RAB33A: variants seen among roughly 807,000 people sequenced by gnomAD.
RAB33A encodes ras-related protein Rab-33A.
Under a neutral mutation model 12.0 loss-of-function variants are expected in RAB33A, and 6 were observed. That is an observed-to-expected ratio of 0.50 (90% CI 0.27 to 0.99). The LOEUF (loss-of-function observed/expected upper bound fraction) is 0.99, where lower values mean the gene tolerates loss of function less well. Ranked by LOEUF, RAB33A falls within the 50% of genes least tolerant of loss-of-function variation. RAB33A has a pLI of 0.11. For synonymous variants in RAB33A, 70 were observed against 82.4 expected (o/e 0.85, Z 0.81); for missense variants, 109 against 192.0 (o/e 0.57, Z 2.55).
At chrX:130,162,957 T>C in the RAB33A span, among the ~76,000 whole-genome samples, 1 of 111,324 alleles carries the variant, frequency 9.0e-6, no homozygotes, top group Admixed American at 9.6e-5. Context: ...AATAAACAAA[T>C]AGTAGCTATC....
chrX:130,175,781 G>C (rs1045146815), intron 1 of RAB33A, among the ~76,000 whole-genome samples: 4 of 111,482 alleles, frequency 3.6e-5, no homozygotes, highest in Admixed American at 9.5e-5. Flanking sequence ...ACAGGCGGGA[G>C]CCCTGGGTTT....
At chrX:130,155,710 T>C in the RAB33A span, among the ~76,000 whole-genome samples, 1 of 111,649 alleles carries the variant, frequency 9.0e-6, no homozygotes, top group Non-Finnish European at 1.9e-5. Context: ...CAATCAAGGG[T>C]GTTACTAGGT....
chrX:130,167,039 G>T (rs1259855897), upstream of RAB33A, among the ~76,000 whole-genome samples: 4 of 112,432 alleles, frequency 3.6e-5, no homozygotes, highest in African/African-American at 1.3e-4. Flanking sequence ...CAAGAGAGAA[G>T]ACTATGGGAT....
chrX:130,168,598 C>T (rs1398377966), upstream of RAB33A, among the ~76,000 whole-genome samples: 4 of 111,137 alleles, frequency 3.6e-5, no homozygotes, highest in Middle Eastern at 4.6e-3. Context: ...ATTACGTTGC[C>T]CAGGCTGGTC....
At chrX:130,152,123 GAAAAAAGAAAAGAA>G in the RAB33A span, among the ~76,000 whole-genome samples, 14 of 106,732 alleles carry the variant, frequency 1.3e-4, no homozygotes, top group African/African-American at 4.8e-4. Context: ...GAAAAGAAAA[GAAAAAAGAAAAGAA>G]AAAAAAGAAA....
chrX:130,135,755 G>T, the RAB33A span, among the ~76,000 whole-genome samples: 1 of 111,899 alleles, frequency 8.9e-6, no homozygotes, highest in Non-Finnish European at 1.9e-5. Context: ...AGGCTTATGT[G>T]CATGCCCACC....
Position 130,184,837 on chromosome X carries a change from C to A in RAB33A, c.*97C>A, listed in dbSNP as rs2124688989. On this transcript the variant is annotated 3_prime_UTR_variant, in exon 2 of 2. Coordinates refer to ENST00000257017, the MANE Select transcript of RAB33A (RefSeq NM_004794.3). ...ATGCTGACACCTGCTTGTTTCCATA[C>A]AAATTGATATCAAAATAAAATTTGT... 1.3e-6 allele frequency: 1 copy of A among 769,964 alleles called. No individual in the cohort carries two copies. The highest frequency in any genetic ancestry group is 1.8e-6 in the Non-Finnish European group (1 of 543,172). The allele number at this position is 769,964 out of a possible 1,213,427, so 63.5% of individuals were successfully genotyped here.
At chrX:130,129,492 G>T in the RAB33A span, 2 of 928,523 alleles carry the variant, frequency 2.2e-6, no homozygotes, top group Non-Finnish European at 3.1e-6. Flanking sequence ...ATAAAAAAAT[G>T]CTCCTTTACC....
chrX:130,167,493 A>G (rs1194638561), upstream of RAB33A, among the ~76,000 whole-genome samples: 3 of 113,271 alleles, frequency 2.6e-5, no homozygotes, highest in Non-Finnish European at 5.6e-5. Flanking sequence ...CTGTAATCCC[A>G]GCACTTTGGG....
the RAB33A span, among the ~76,000 whole-genome samples, chrX:130,150,433 T>A: frequency 1.0e-5 from 1 of 97,484 alleles, no homozygotes; most frequent in South Asian, 5.3e-4. Context: ...CCTCCCGGGT[T>A]CACGCCATTC....
the RAB33A span, among the ~76,000 whole-genome samples, chrX:130,150,326 CTTTTTTTTTT>C: frequency 6.5e-5 from 4 of 61,649 alleles, no homozygotes; most frequent in Non-Finnish European, 9.3e-5. Flanking sequence ...TTATTGGAGA[CTTTTTTTTTT>C]TTTTTTTTTT....
the RAB33A span, chrX:130,147,842 C>T: frequency 6.6e-6 from 8 of 1,210,119 alleles, no homozygotes; most frequent in East Asian, 5.9e-5. Context: ...CATGACTTGG[C>T]GCCTTGTCTT....
upstream of RAB33A, among the ~76,000 whole-genome samples, chrX:130,170,865 T>C (rs1427530538): frequency 8.9e-6 from 1 of 112,695 alleles, no homozygotes; most frequent in Non-Finnish European, 1.9e-5. Flanking sequence ...TGTCCCAAGA[T>C]CCTCCACCTG....
the RAB33A span, chrX:130,130,100 G>A: frequency 1.7e-6 from 2 of 1,211,778 alleles, no homozygotes; most frequent in South Asian, 1.8e-5. Flanking sequence ...AACTGCCGGG[G>A]TGCTGGGAGG....
At chrX:130,130,186 C>A in the RAB33A span, 98 of 1,207,547 alleles carry the variant, frequency 8.1e-5, no homozygotes, top group Non-Finnish European at 1.1e-4. Context: ...GCCCCCAAAA[C>A]AAATAAACAT....
chrX:130,139,955 G>T, the RAB33A span: 1 of 838,859 alleles, frequency 1.2e-6, no homozygotes, highest in Non-Finnish European at 1.8e-6. Flanking sequence ...CAAAGGTGGA[G>T]CCCTCTTCAC....
chrX:130,128,799 C>G, the RAB33A span, among the ~76,000 whole-genome samples: 1 of 111,775 alleles, frequency 8.9e-6, no homozygotes, highest in Non-Finnish European at 1.9e-5. Context: ...GAGTCCGTCT[C>G]CAGGTTTAAC....
At chrX:130,113,077 CTTTTTTTTTT>C in the RAB33A span, among the ~76,000 whole-genome samples, 2 of 46,994 alleles carry the variant, frequency 4.3e-5, no homozygotes, top group African/African-American at 1.9e-4. Flanking sequence ...TTTTTTCCTT[CTTTTTTTTTT>C]TTTTTTTTTT....
At chrX:130,137,268 G>A in the RAB33A span, 3 of 1,203,700 alleles carry the variant, frequency 2.5e-6, no homozygotes, top group African/African-American at 3.5e-5. Context: ...GGAGCAGCAG[G>A]CAGCCCTCAC....
Sources: gnomAD v4.1 joint callset for allele counts (sites outside exome capture counted in the v4.1 genomes callset) on GRCh38, gnomAD v4.1.1 for gene constraint, MANE v1.5 for transcripts, NCBI Gene and HGNC (gene_info 2026-07-23, HGNC 2026-07-21) for gene names.